NEK7: variants seen among roughly 807,000 people sequenced by gnomAD.
The protein encoded by NEK7 is NIMA related kinase 7, also known as serine/threonine-protein kinase Nek7.
A neutral mutation model predicts 44.6 loss-of-function variants in NEK7; 18 were observed. That is an observed-to-expected ratio of 0.40 (90% CI 0.28 to 0.60). The LOEUF is 0.60. Among genes scored for constraint, NEK7 ranks in the 20% least tolerant of loss-of-function variants. The probability of loss-of-function intolerance (pLI) is 0.38; values close to 1 mark genes in which losing one functional copy is unlikely to be tolerated. For missense variants in NEK7, 256 were observed against 366.5 expected, an observed-to-expected ratio of 0.70 and a Z score of 2.46; for synonymous variants, 130 against 121.1, an observed-to-expected ratio of 1.07 and a Z score of -0.48.
At chr1:198,159,655 A>T (rs1664039935) in intron 1 of NEK7, among the ~76,000 whole-genome samples, 1 of 152,188 alleles carries the variant, frequency 6.6e-6, no homozygotes, top group Admixed American at 6.5e-5. Context: ...AGGTTTATTT[A>T]TTTAGATAAT....
intron 9 of NEK7, among the ~76,000 whole-genome samples, chr1:198,307,376 G>T (rs568661186): frequency 1.3e-5 from 2 of 152,172 alleles, no homozygotes; most frequent in South Asian, 2.1e-4. Context: ...TTTTGGAAAG[G>T]CACTTTGTCA....
chr1:198,268,254 G>C (rs144115699), intron 5 of NEK7, among the ~76,000 whole-genome samples: 1 of 151,350 alleles, frequency 6.6e-6, no homozygotes, highest in African/African-American at 2.4e-5. Flanking sequence ...AGCATGGAGC[G>C]CTCTTTAAAT....
intron 1 of NEK7, among the ~76,000 whole-genome samples, chr1:198,158,103 T>G (rs985408180): frequency 1.3e-5 from 2 of 152,168 alleles, no homozygotes; most frequent in Admixed American, 1.3e-4. Context: ...CGCAGCATCC[T>G]CTATTTAGTC....
At chr1:198,289,796 A>T (rs6428449) in intron 7 of NEK7, among the ~76,000 whole-genome samples, 77,531 of 152,024 alleles carry the variant, frequency 0.51, 22,876 homozygotes, top group East Asian at 0.89. Flanking sequence ...TTGTTGGTTC[A>T]CTTAAACATA....
chr1:198,317,980 G>C (rs1655425628), intron 9 of NEK7, among the ~76,000 whole-genome samples: 2 of 130,480 alleles, frequency 1.5e-5, no homozygotes, highest in Non-Finnish European at 3.1e-5. Context: ...GTGTATTGCT[G>C]TACCCCTTAA....
chr1:198,313,143 T>C (rs550167986), intron 9 of NEK7, among the ~76,000 whole-genome samples: 88 of 152,316 alleles, frequency 5.8e-4, no homozygotes, highest in African/African-American at 2.0e-3. Context: ...TGCATATATA[T>C]TTGGAATAGT....
chr1:198,290,256 A>G (rs1654511963), intron 7 of NEK7, among the ~76,000 whole-genome samples: 1 of 152,228 alleles, frequency 6.6e-6, no homozygotes, highest in Admixed American at 6.5e-5. Flanking sequence ...GTCTAATCAT[A>G]TCACTCCATA....
chr1:198,273,183 A>G (rs1311462954), intron 5 of NEK7, among the ~76,000 whole-genome samples: 3 of 151,830 alleles, frequency 2.0e-5, no homozygotes, highest in African/African-American at 7.2e-5. Context: ...ATGAGATGCT[A>G]GTGATAAGTA....
intron 2 of NEK7, among the ~76,000 whole-genome samples, chr1:198,235,611 T>C (rs756566571): frequency 2.6e-4 from 40 of 152,304 alleles, no homozygotes; most frequent in Non-Finnish European, 3.7e-4. Flanking sequence ...TTTTAAACAA[T>C]GGAAGTTTAC....
intron 5 of NEK7, among the ~76,000 whole-genome samples, chr1:198,276,550 C>T (rs1165744279): frequency 6.6e-6 from 1 of 151,660 alleles, no homozygotes; most frequent in Non-Finnish European, 1.5e-5. Flanking sequence ...ATTAAAAAGA[C>T]TTAGTATTGA....
intron 1 of NEK7, among the ~76,000 whole-genome samples, chr1:198,197,117 A>G (rs944652643): frequency 1.4e-4 from 22 of 152,220 alleles, no homozygotes; most frequent in Non-Finnish European, 2.8e-4. Context: ...TACTTGGCAC[A>G]TAGTAGTATA....
At chr1:198,183,183 C>G (rs565190552) in intron 1 of NEK7, among the ~76,000 whole-genome samples, 1 of 152,216 alleles carries the variant, frequency 6.6e-6, no homozygotes, top group East Asian at 1.9e-4. Context: ...CTGGAAAACC[C>G]GTCTTTAGAG....
At chr1:198,177,689 C>G (rs189389042) in intron 1 of NEK7, among the ~76,000 whole-genome samples, 4 of 151,820 alleles carry the variant, frequency 2.6e-5, no homozygotes, top group Non-Finnish European at 5.9e-5. Context: ...AATCTGAGAA[C>G]TGGGAATGAA....
intron 1 of NEK7, among the ~76,000 whole-genome samples, chr1:198,160,023 C>T (rs1271116106): frequency 1.3e-5 from 2 of 151,662 alleles, no homozygotes; most frequent in Admixed American, 6.6e-5. Flanking sequence ...TTTTTTTCCC[C>T]TCAATTATTG....
chr1:198,172,835 G>C (rs908679209), intron 1 of NEK7, among the ~76,000 whole-genome samples: 1 of 152,176 alleles, frequency 6.6e-6, no homozygotes, highest in Non-Finnish European at 1.5e-5. Context: ...TTTAAGCAAA[G>C]AGTTTAGAAT....
At chr1:198,260,718 T>C (rs115040188) in intron 3 of NEK7, among the ~76,000 whole-genome samples, 3,774 of 152,204 alleles carry the variant, frequency 0.025, 72 homozygotes, top group African/African-American at 0.047. Context: ...CTCAATATTT[T>C]ACATTAAAAG....
chr1:198,186,287 T>C (rs1664924364), intron 1 of NEK7, among the ~76,000 whole-genome samples: 1 of 152,234 alleles, frequency 6.6e-6, no homozygotes, highest in Admixed American at 6.5e-5. Context: ...TGGCAAACTA[T>C]AATATTGAAA....
chr1:198,182,101 A>G (rs1664785390), intron 1 of NEK7, among the ~76,000 whole-genome samples: 1 of 152,160 alleles, frequency 6.6e-6, no homozygotes, highest in African/African-American at 2.4e-5. Context: ...AAGGTAGGCA[A>G]CAGGTAGAAG....
At chr1:198,317,871 ATATT>A (rs1343950844) in intron 9 of NEK7, among the ~76,000 whole-genome samples, 25 of 52,440 alleles carry the variant, frequency 4.8e-4, no homozygotes, top group Non-Finnish European at 6.0e-4. Context: ...ATTACTGGAT[ATATT>A]TATTTTTTTT....
Sources: gnomAD v4.1 joint callset for allele counts (sites outside exome capture counted in the v4.1 genomes callset) on GRCh38, gnomAD v4.1.1 for gene constraint, MANE v1.5 for transcripts, NCBI Gene and HGNC (gene_info 2026-07-23, HGNC 2026-07-21) for gene names.